URAD: variants seen among roughly 807,000 people sequenced by gnomAD.
URAD encodes putative 2-oxo-4-hydroxy-4-carboxy-5-ureidoimidazoline decarboxylase.
In URAD, 4 loss-of-function variants were observed where a neutral mutation model predicts 4.6. That is an observed-to-expected ratio of 0.87 (90% CI 0.43 to 1.98). The LOEUF is 1.98. Ranked by LOEUF, URAD falls within the 30% of genes most tolerant of loss-of-function variation. The pLI is 0.03. For missense variants in URAD, 300 were observed against 255.3 expected, an observed-to-expected ratio of 1.18 and a Z score of -1.19; for synonymous variants, 144 against 118.2, an observed-to-expected ratio of 1.22 and a Z score of -1.41.
At chr13:27,986,462 A>G (rs1208658757) in intron 1 of URAD, among the ~76,000 whole-genome samples, 1 of 152,040 alleles carries the variant, frequency 6.6e-6, no homozygotes, top group Admixed American at 6.6e-5. Flanking sequence ...CGGAACTAGA[A>G]CCTCTGGCCA....
At chr13:27,983,292 C>T (rs544148008) in intron 1 of URAD, among the ~76,000 whole-genome samples, 70 of 152,128 alleles carry the variant, frequency 4.6e-4, no homozygotes, top group African/African-American at 1.7e-3. Context: ...TGCAGTGGTG[C>T]GATCTCGGCT....
At chr13:27,988,057 C>T (rs1870087247) in intron 1 of URAD, among the ~76,000 whole-genome samples, 1 of 152,220 alleles carries the variant, frequency 6.6e-6, no homozygotes, top group African/African-American at 2.4e-5. Context: ...TTCCCAGGCT[C>T]AAGCGATTCT....
In URAD at chr13:27,977,951, T is replaced by G; in HGVS notation, c.*155A>C. 1.7e-6 allele frequency: 1 copy of G among 600,520 alleles called. No individual in the cohort carries two copies. The highest frequency in any genetic ancestry group is 2.6e-6 in the Non-Finnish European group (1 of 377,838). The allele number at this position is 600,520 out of a possible 1,614,324, so 37.2% of individuals were successfully genotyped here. On this transcript the variant is annotated 3_prime_UTR_variant, in exon 2 of 2. Coordinates refer to ENST00000332715, the MANE Select transcript of URAD (RefSeq NM_001105577.2). ...GTGGGTGGGCGGACAAAAGGACTCA[T>G]TACTCGTATGATTGCCTCAATTCTC...
chr13:27,979,156 T>G (rs1031185258), intron 1 of URAD, among the ~76,000 whole-genome samples: 9 of 152,188 alleles, frequency 5.9e-5, no homozygotes, highest in African/African-American at 2.2e-4. Flanking sequence ...GCCCTTTGAA[T>G]GAAAGTGGCT....
At position 27,978,094 on chromosome 13, in the gene URAD, C is replaced by T. The variant is rs1398656567; in HGVS notation, c.*12G>A. 1.4e-6 allele frequency: 2 copies of T among 1,471,192 alleles called. No homozygotes were observed. Among genetic ancestry groups the T allele is most frequent in the Non-Finnish European group, 8.9e-7 (1 of 1,126,294 alleles). The allele number at this position is 1,471,192 out of a possible 1,614,324, so 91.1% of individuals were successfully genotyped here. The stretch of plus-strand genomic sequence containing the variant: ...CCGGTTGTGCGTCCCGGGTCCCTGG[C>T]CCGCGCGGCAGCTACAGCTTGGCGG... On this transcript the variant is annotated 3_prime_UTR_variant, in exon 2 of 2. Coordinates refer to ENST00000332715, the MANE Select transcript of URAD (RefSeq NM_001105577.2).
chr13:27,986,468 G>C (rs968375705), intron 1 of URAD, among the ~76,000 whole-genome samples: 3 of 152,092 alleles, frequency 2.0e-5, no homozygotes, highest in Non-Finnish European at 4.4e-5. Flanking sequence ...TAGAACCTCT[G>C]GCCAGCTGGA....
intron 1 of URAD, among the ~76,000 whole-genome samples, chr13:27,980,973 A>G (rs1405522293): frequency 6.6e-6 from 1 of 151,952 alleles, no homozygotes; most frequent in African/African-American, 2.4e-5. Flanking sequence ...GAGACTAAAA[A>G]GGAGAAACTA....
At chr13:27,982,009 C>G (rs955934722) in intron 1 of URAD, among the ~76,000 whole-genome samples, 1 of 152,140 alleles carries the variant, frequency 6.6e-6, no homozygotes, top group Non-Finnish European at 1.5e-5. Context: ...TGTCACGTTT[C>G]GAGCCACTGT....
chr13:27,983,197 C>T (rs1186984214), intron 1 of URAD, among the ~76,000 whole-genome samples: 1 of 152,136 alleles, frequency 6.6e-6, no homozygotes, highest in Admixed American at 6.6e-5. Context: ...CCAAAAATGT[C>T]GAGTTCATCC....
rs1869755926 is a variant in URAD, at chr13:27,977,925, T to C, written c.*181A>G. 1.9e-6 allele frequency: 1 copy of C among 528,060 alleles called. No homozygotes were observed. The highest frequency in any genetic ancestry group is 5.0e-4 in the Middle Eastern group (1 of 2,000). The allele number at this position is 528,060 out of a possible 1,614,324, so 32.7% of individuals were successfully genotyped here. Reference sequence around the variant, plus strand: ...TGGATATTTTGGCAACGCGTGCGCGTGTGGGTGGGCGGACAAAAGGACTCA... The same window carrying C: ...TGGATATTTTGGCAACGCGTGCGCGCGTGGGTGGGCGGACAAAAGGACTCA... On this transcript the variant is annotated 3_prime_UTR_variant, in exon 2 of 2. Coordinates refer to ENST00000332715, the MANE Select transcript of URAD (RefSeq NM_001105577.2).
chr13:27,982,856 A>T (rs1593191447), intron 1 of URAD, among the ~76,000 whole-genome samples: 2 of 152,106 alleles, frequency 1.3e-5, no homozygotes, highest in Non-Finnish European at 2.9e-5. Flanking sequence ...GCCTTCTGTC[A>T]TCAAATCCAT....
intron 1 of URAD, among the ~76,000 whole-genome samples, chr13:27,986,812 C>T (rs1593192976): frequency 6.6e-6 from 1 of 152,192 alleles, no homozygotes; most frequent in East Asian, 1.9e-4. Flanking sequence ...CCGGGGCCTC[C>T]TGCTCCTTCC....
intron 1 of URAD, among the ~76,000 whole-genome samples, chr13:27,981,619 C>T (rs530035660): frequency 2.0e-5 from 3 of 152,148 alleles, no homozygotes; most frequent in Non-Finnish European, 2.9e-5. Context: ...GCCATGGAAG[C>T]TCAGAATCCC....
chr13:27,988,358 C>T, intron 1 of URAD, 105 bp downstream of exon 1: 1 of 1,172,670 alleles, frequency 8.5e-7, no homozygotes, highest in Non-Finnish European at 1.2e-6. Flanking sequence ...TCCCAAAGTG[C>T]TGGGATTACA....
intron 1 of URAD, among the ~76,000 whole-genome samples, chr13:27,985,081 T>C (rs1352995965): frequency 1.3e-5 from 2 of 152,244 alleles, no homozygotes; most frequent in Non-Finnish European, 2.9e-5. Flanking sequence ...ATGTATACAT[T>C]GTGAAATGAT....
chr13:27,978,258 G>C lies in URAD; in HGVS notation c.370C>G (p.Arg124Gly), dbSNP rs1426024005. 1 of 1,441,250 alleles carries C rather than the reference G, an allele frequency of 6.9e-7. No individual in the cohort carries two copies. Among genetic ancestry groups the C allele is most frequent in the East Asian group, 3.0e-5 (1 of 33,506 alleles). The allele number at this position is 1,441,250 out of a possible 1,614,324, so 89.3% of individuals were successfully genotyped here. A position where few individuals can be genotyped will look rare whatever the true frequency, so the allele number is the denominator to read the frequency against. The change falls in exon 2 of 2, where the codon CGC (arginine) becomes GGC (glycine). Residue 124 changes from arginine to glycine, a missense_variant. Coordinates refer to ENST00000332715, the MANE Select transcript of URAD (RefSeq NM_001105577.2). ...GGCACCGCCGTCCGGTCGCTGAAGCGCGCGGCGAGCACGAAGGGGAAACCG... is the reference window on the plus strand; with the variant it reads ...GGCACCGCCGTCCGGTCGCTGAAGCCCGCGGCGAGCACGAAGGGGAAACCG... The part of the protein sequence containing the change: ...RFGFPFVLAA[R>G]FSDRTAVPRE...
chr13:27,987,413 T>A (rs541043409), intron 1 of URAD, among the ~76,000 whole-genome samples: 20 of 152,242 alleles, frequency 1.3e-4, no homozygotes, highest in African/African-American at 4.8e-4. Flanking sequence ...TTCTTTCCCT[T>A]CCTCCAGAGG....
At chr13:27,978,490 C>A (rs1593189797) in intron 1 of URAD, 38 bp from the exon 2 acceptor site, 16 of 1,287,416 alleles carry the variant, frequency 1.2e-5, no homozygotes, top group Non-Finnish European at 1.5e-5. Flanking sequence ...AGCGCGTCAA[C>A]CGCGCCCGTC....
chr13:27,987,129 AG>A (rs1210274936), intron 1 of URAD, among the ~76,000 whole-genome samples: 2 of 152,206 alleles, frequency 1.3e-5, no homozygotes, highest in East Asian at 3.8e-4. Flanking sequence ...TGGCTGTCAA[AG>A]GCCATCCTGA....
Sources: gnomAD v4.1 joint callset for allele counts (sites outside exome capture counted in the v4.1 genomes callset) on GRCh38, gnomAD v4.1.1 for gene constraint, MANE v1.5 for transcripts, NCBI Gene and HGNC (gene_info 2026-07-23, HGNC 2026-07-21) for gene names.